The following AUTS2 variants were observed in gnomAD, a reference collection of about 807,000 sequenced individuals.
The protein encoded by AUTS2 is autism susceptibility gene 2 protein.
Under a neutral mutation model 112.4 loss-of-function variants are expected in AUTS2, and 17 were observed. That is an observed-to-expected ratio of 0.15 (90% CI 0.10 to 0.23). The LOEUF (loss-of-function observed/expected upper bound fraction) is 0.23. AUTS2 is among the 10% of genes least tolerant of loss of function. AUTS2 has a pLI of 1.00. For synonymous variants in AUTS2, 751 were observed against 702.7 expected (o/e 1.07, Z -1.09); for missense variants, 1,510 against 1,701.6 (o/e 0.89, Z 1.98).
intron 4 of AUTS2, among the ~76,000 whole-genome samples, chr7:70,146,450 C>T (rs12698857): frequency 0.21 from 32,431 of 152,084 alleles, 3,441 homozygotes; most frequent in Middle Eastern, 0.33. Context: ...CTCTTCACTA[C>T]ATACTTGAAT....
chr7:69,614,344 C>CTTTTCTTTCT lies in AUTS2; in HGVS notation c.309+14385_309+14386insTCTTTCTTTT, dbSNP rs67639943. On this transcript the variant is annotated intron_variant, in intron 1 of 18. Coordinates refer to ENST00000342771, the MANE Select transcript of AUTS2 (RefSeq NM_015570.4). ...TCTTTCTTTCTTTCTTTCTTTCTTT[C>CTTTTCTTTCT]TTTCTTTCTTTCTTTCTTTCTTTTT... Among the ~76,000 whole-genome samples the CTTTTCTTTCT allele has an allele frequency of 2.0e-4, 15 of 74,708 alleles. 1 individual carries two copies. Among genetic ancestry groups the CTTTTCTTTCT allele is most frequent in the South Asian group, 5.0e-4 (1 of 1,982 alleles). The allele number at this position is 74,708 out of a possible 152,430, so 49.0% of individuals were successfully genotyped here. A position where few individuals can be genotyped will look rare whatever the true frequency, so the allele number is the denominator to read the frequency against.
chr7:70,156,358 T>C (rs1000184622), intron 4 of AUTS2, among the ~76,000 whole-genome samples: 1 of 152,190 alleles, frequency 6.6e-6, no homozygotes, highest in African/African-American at 2.4e-5. Flanking sequence ...AAAGTGAATC[T>C]GTAGGGGCGG....
Position 70,562,490 on chromosome 7 carries a change from A to G in AUTS2, c.690+126709A>G, listed in dbSNP as rs563656350. On this transcript the variant is annotated intron_variant, in intron 5 of 18. Transcript: ENST00000342771. ...AGGGTCTGTATTGATAGGCCAGTAG[A>G]TTATAAAGTATTTGGAAGTGATCTT... Among the ~76,000 whole-genome samples, 29 of 152,318 alleles carry G rather than the reference A, an allele frequency of 1.9e-4. No homozygotes were observed. The East Asian group carries it at 2.1e-3, about 11-fold the overall frequency.
intron 6 of AUTS2, among the ~76,000 whole-genome samples, chr7:70,737,382 G>A (rs1787835795): frequency 6.6e-6 from 1 of 152,228 alleles, no homozygotes; most frequent in Non-Finnish European, 1.5e-5. Context: ...ACAGTCCATA[G>A]AATCAAAATG....
At chr7:70,633,601 ACT>A (rs1805384247) in intron 5 of AUTS2, among the ~76,000 whole-genome samples, 2 of 135,300 alleles carry the variant, frequency 1.5e-5, no homozygotes, top group African/African-American at 2.8e-5. Context: ...ACAGAGCAAG[ACT>A]CCGTCTCAAA....
intron 1 of AUTS2, among the ~76,000 whole-genome samples, chr7:69,823,948 G>C (rs1038169343): frequency 6.6e-6 from 1 of 152,094 alleles, no homozygotes; most frequent in African/African-American, 2.4e-5. Flanking sequence ...AACTCTAGAG[G>C]TATGATTTTG....
At chr7:69,912,900 T>G (rs920563573) in intron 2 of AUTS2, among the ~76,000 whole-genome samples, 1 of 152,236 alleles carries the variant, frequency 6.6e-6, no homozygotes, top group Non-Finnish European at 1.5e-5. Flanking sequence ...CATCTCTAGA[T>G]TAGTGCAGCA....
At chr7:70,592,319 G>A (rs1271657077) in intron 5 of AUTS2, among the ~76,000 whole-genome samples, 1 of 152,050 alleles carries the variant, frequency 6.6e-6, no homozygotes, top group Non-Finnish European at 1.5e-5. Context: ...CCACTTGCTA[G>A]TTGTGTAATA....
At chr7:69,939,292 T>C (rs1315619329) in intron 2 of AUTS2, among the ~76,000 whole-genome samples, 2 of 152,340 alleles carry the variant, frequency 1.3e-5, no homozygotes, top group Non-Finnish European at 2.9e-5. Flanking sequence ...CTTTGCCTTA[T>C]AGAAATATTT....
At chr7:69,749,951 T>C (rs1345380032) in intron 1 of AUTS2, among the ~76,000 whole-genome samples, 1 of 152,174 alleles carries the variant, frequency 6.6e-6, no homozygotes, top group Non-Finnish European at 1.5e-5. Context: ...TGAATTGGGC[T>C]GTAGGGGCTG....
chr7:69,876,484 GTATATATA>G (rs58131271), intron 1 of AUTS2, among the ~76,000 whole-genome samples: 1,190 of 54,250 alleles, frequency 0.022, 126 homozygotes, highest in Non-Finnish European at 0.033. Flanking sequence ...AATATTTTGT[GTATATATA>G]TATATATATA....
intron 1 of AUTS2, among the ~76,000 whole-genome samples, chr7:69,819,509 T>C (rs1347731941): frequency 1.3e-5 from 2 of 152,232 alleles, no homozygotes; most frequent in African/African-American, 4.8e-5. Context: ...AAGGAAACAG[T>C]TGGATTCCTG....
intron 5 of AUTS2, among the ~76,000 whole-genome samples, chr7:70,519,787 C>T (rs1799569094): frequency 6.6e-6 from 1 of 152,260 alleles, no homozygotes; most frequent in East Asian, 1.9e-4. Flanking sequence ...TCTACCATAT[C>T]ACTTTACTTA....
chr7:70,097,668 G>A (rs987530678), intron 2 of AUTS2, among the ~76,000 whole-genome samples: 3 of 152,174 alleles, frequency 2.0e-5, no homozygotes, highest in Non-Finnish European at 4.4e-5. Flanking sequence ...ATAATCAGTA[G>A]TCAAAAATGG....
chr7:69,852,107 T>C (rs1384357027), intron 1 of AUTS2, among the ~76,000 whole-genome samples: 1 of 152,160 alleles, frequency 6.6e-6, no homozygotes, highest in East Asian at 1.9e-4. Context: ...ATGTTAGTTG[T>C]AGGTTTTTGG....
intron 4 of AUTS2, among the ~76,000 whole-genome samples, chr7:70,194,374 C>A (rs1810062695): frequency 6.6e-6 from 1 of 152,028 alleles, no homozygotes; most frequent in Non-Finnish European, 1.5e-5. Context: ...TGGCACTGCA[C>A]TCTAACCTGG....
intron 4 of AUTS2, among the ~76,000 whole-genome samples, chr7:70,300,012 T>TATG (rs1789133669): frequency 6.6e-6 from 1 of 152,128 alleles, no homozygotes; most frequent in African/African-American, 2.4e-5. Context: ...AATAACACCT[T>TATG]ATGTGGCAGG....
chr7:69,727,627 G>T (rs1389460945), intron 1 of AUTS2, among the ~76,000 whole-genome samples: 2 of 151,956 alleles, frequency 1.3e-5, no homozygotes, highest in African/African-American at 4.8e-5. Context: ...TCAGTTGCTT[G>T]TTTATGTCTA....
chr7:70,778,721 C>T (rs1285752149), intron 14 of AUTS2, among the ~76,000 whole-genome samples: 2 of 152,126 alleles, frequency 1.3e-5, no homozygotes, highest in Non-Finnish European at 2.9e-5. Flanking sequence ...CTCATTTGTA[C>T]TTTATTGTTA....
Sources: gnomAD v4.1 joint callset for allele counts (sites outside exome capture counted in the v4.1 genomes callset) on GRCh38, gnomAD v4.1.1 for gene constraint, MANE v1.5 for transcripts, NCBI Gene and HGNC (gene_info 2026-07-23, HGNC 2026-07-21) for gene names.